GSAP: variants seen among roughly 807,000 people sequenced by gnomAD.
GSAP encodes gamma-secretase activating protein.
Under a neutral mutation model 131.7 loss-of-function variants are expected in GSAP, and 118 were observed. The ratio of observed to expected loss-of-function variants is 0.90; its 90% confidence interval spans 0.77 to 1.04. GSAP has a LOEUF of 1.04. GSAP is among the 50% of genes least tolerant of loss of function. The pLI is 0.00. For missense variants in GSAP, 1,019 were observed against 1,013.2 expected (o/e 1.01, Z -0.08); for synonymous variants, 381 against 363.4 (o/e 1.05, Z -0.55).
chr7:77,314,524 G>A, intron 26 of GSAP, 35 bp from the exon 27 acceptor site: 1 of 1,611,924 alleles, frequency 6.2e-7, no homozygotes, highest in Non-Finnish European at 8.5e-7. Flanking sequence ...AACACAGTCA[G>A]CCAACATCTC....
intron 5 of GSAP, among the ~76,000 whole-genome samples, chr7:77,391,721 G>C (rs1165448698): frequency 6.6e-6 from 1 of 152,110 alleles, no homozygotes; most frequent in African/African-American, 2.4e-5. Flanking sequence ...TATAGTCCCA[G>C]TTACTCAGAA....
At chr7:77,412,705 C>T (rs559172041) in intron 1 of GSAP, among the ~76,000 whole-genome samples, 1 of 143,484 alleles carries the variant, frequency 7.0e-6, no homozygotes, top group Admixed American at 7.2e-5. Flanking sequence ...CAGGGAGATT[C>T]AAGTGGCCAG....
intron 1 of GSAP, chr7:77,415,806 G>T: frequency 5.7e-6 from 1 of 176,842 alleles, no homozygotes; most frequent in African/African-American, 2.3e-5. Flanking sequence ...GAAGCTTCCA[G>T]GAGCACTCCT....
intron 6 of GSAP, 64 bp downstream of exon 6, chr7:77,387,296 C>T: frequency 1.2e-6 from 1 of 847,006 alleles, no homozygotes; most frequent in Non-Finnish European, 2.0e-6. Flanking sequence ...TTGTAAACCC[C>T]AATTCTTCTA....
At chr7:77,333,144 C>T (rs919501537) in intron 19 of GSAP, among the ~76,000 whole-genome samples, 5 of 151,954 alleles carry the variant, frequency 3.3e-5, no homozygotes, top group African/African-American at 9.7e-5. Context: ...TCCAGCGTGG[C>T]GACAGTGCGA....
chr7:77,331,106 G>T (rs1197655050), intron 19 of GSAP, among the ~76,000 whole-genome samples: 1 of 152,088 alleles, frequency 6.6e-6, no homozygotes, highest in Non-Finnish European at 1.5e-5. Context: ...GAAGTCAGGA[G>T]ATCGAGACCA....
In GSAP at chr7:77,414,350, C is replaced by T. The variant is rs966789218; in HGVS notation, c.109+1863G>A. Among the ~76,000 whole-genome samples, 14 of 152,216 alleles carry T rather than the reference C, an allele frequency of 9.2e-5. 1 individual carries two copies. Among genetic ancestry groups the T allele is most frequent in the African/African-American group, 3.1e-4 (13 of 41,454 alleles). ...GACAGAATCCCAGATTTCCCTGCCA[C>T]TGCTATAAATTACAGAACAGGAATT... On this transcript the variant is annotated intron_variant, in intron 1 of 30. Transcript: ENST00000257626.
chr7:77,312,262 C>T (rs186425230), intron 28 of GSAP, 60 bp from the exon 29 acceptor site: 2 of 766,144 alleles, frequency 2.6e-6, no homozygotes, highest in East Asian at 2.6e-5. Context: ...GTAAACACAC[C>T]TTATATCTAT....
intron 10 of GSAP, among the ~76,000 whole-genome samples, chr7:77,375,985 G>A (rs547247055): frequency 6.6e-6 from 1 of 151,532 alleles, no homozygotes; most frequent in Non-Finnish European, 1.5e-5. Flanking sequence ...CCTATTTTTA[G>A]AAGTTTTTTT....
intron 8 of GSAP, 42 bp downstream of exon 8, chr7:77,381,263 G>C: frequency 9.0e-7 from 1 of 1,112,058 alleles, no homozygotes; most frequent in Non-Finnish European, 1.3e-6. Flanking sequence ...TCTTTGTGGG[G>C]AAAAAAAAAC....
At chr7:77,405,330 G>A (rs565566843) in intron 2 of GSAP, among the ~76,000 whole-genome samples, 1 of 152,272 alleles carries the variant, frequency 6.6e-6, no homozygotes, top group South Asian at 2.1e-4. Context: ...TGCTTCGAAA[G>A]TCCTAACATA....
intron 12 of GSAP, among the ~76,000 whole-genome samples, chr7:77,373,262 C>T (rs890172703): frequency 3.9e-5 from 6 of 152,240 alleles, no homozygotes; most frequent in East Asian, 3.9e-4. Flanking sequence ...GTAACCTTTA[C>T]GCTAATAAAG....
intron 11 of GSAP, among the ~76,000 whole-genome samples, chr7:77,374,658 A>C (rs1233966077): frequency 6.6e-6 from 1 of 152,160 alleles, no homozygotes; most frequent in Non-Finnish European, 1.5e-5. Flanking sequence ...AAAAAAAAAA[A>C]ACCAATTAAT....
chr7:77,402,746 A>G (rs77064876), intron 3 of GSAP, among the ~76,000 whole-genome samples: 1,739 of 150,574 alleles, frequency 0.012, 14 homozygotes, highest in Non-Finnish European at 0.018. Flanking sequence ...AGATGGGAGA[A>G]GGGGAGGGTT....
intron 14 of GSAP, 142 bp from the exon 15 acceptor site, chr7:77,355,789 T>TTTTTTTTC (rs1793614858): frequency 9.4e-6 from 1 of 105,854 alleles, no homozygotes; most frequent in African/African-American, 6.0e-5. Context: ...GACAGCCCGT[T>TTTTTTTTC]TTTTTTTTTT....
intron 6 of GSAP, among the ~76,000 whole-genome samples, chr7:77,385,990 T>G (rs113130765): frequency 0.013 from 1,970 of 152,324 alleles, 23 homozygotes; most frequent in Middle Eastern, 0.034. Flanking sequence ...TTCAAATTAT[T>G]TGCAGTAGTT....
At chr7:77,393,073 G>GAA (rs142047919) in intron 5 of GSAP, among the ~76,000 whole-genome samples, 4 of 150,024 alleles carry the variant, frequency 2.7e-5, no homozygotes, top group African/African-American at 4.9e-5. Flanking sequence ...ATTAAAAAAA[G>GAA]AAAAAAAAAC....
intron 14 of GSAP, among the ~76,000 whole-genome samples, chr7:77,357,518 C>G (rs781589781): frequency 3.7e-4 from 57 of 152,200 alleles, no homozygotes; most frequent in Admixed American, 1.8e-3. Flanking sequence ...CCAAGAAATA[C>G]TAGCCTCTAG....
intron 5 of GSAP, 34 bp from the exon 6 acceptor site, chr7:77,387,482 T>C (rs757608388): frequency 2.2e-5 from 24 of 1,087,142 alleles, no homozygotes; most frequent in Middle Eastern, 2.0e-4. Flanking sequence ...GTAACGAAGA[T>C]TGTAATATCA....
Sources: allele counts gnomAD v4.1 joint callset (sites outside exome capture counted in the v4.1 genomes callset), GRCh38; gene constraint gnomAD v4.1.1; transcripts MANE v1.5; gene names NCBI Gene and HGNC (gene_info 2026-07-23, HGNC 2026-07-21).